Variants in RBM18 observed in about 807,000 individuals in gnomAD.
RBM18 encodes probable RNA-binding protein 18.
In RBM18, 18 loss-of-function variants were observed where a neutral mutation model predicts 26.4. That is an observed-to-expected ratio of 0.68 (90% CI 0.47 to 1.01). The LOEUF (loss-of-function observed/expected upper bound fraction) is 1.01. RBM18 is among the 50% of genes least tolerant of loss of function. The probability of loss-of-function intolerance (pLI) is 0.00; values close to 1 mark genes in which losing one functional copy is unlikely to be tolerated. For synonymous variants in RBM18, 74 were observed against 81.1 expected (o/e 0.91, Z 0.47); for missense variants, 180 against 219.2 (o/e 0.82, Z 1.13).
chr9:122,254,992 G>T (rs1161619795), intron 2 of RBM18, among the ~76,000 whole-genome samples: 1 of 152,206 alleles, frequency 6.6e-6, no homozygotes, highest in Non-Finnish European at 1.5e-5. Flanking sequence ...TGATCCATTG[G>T]AGTAGAGTGG....
chr9:122,259,478 C>T (rs933067279), intron 2 of RBM18, among the ~76,000 whole-genome samples: 2 of 152,194 alleles, frequency 1.3e-5, no homozygotes, highest in Non-Finnish European at 2.9e-5. Flanking sequence ...ATGCAATCCA[C>T]TCTAGGGTCC....
rs1324654044 is a variant in RBM18, at chr9:122,242,098, C to T, written c.414-55G>A. On this transcript the variant is annotated intron_variant, in intron 5 of 5. Transcript: ENST00000417201. The stretch of plus-strand genomic sequence containing the variant: ...GGGCCTAGGTATATTCAGAAAATAG[C>T]TGTACAGTTCCTCTCCTTGAGCCTC... 21 of 1,549,312 alleles carry T rather than the reference C, an allele frequency of 1.4e-5. No individual in the cohort carries two copies. In the African/African-American group the frequency reaches 1.4e-4, roughly 10 times the overall value.
In RBM18 at chr9:122,237,819, T is replaced by C. The variant is rs969790647; in HGVS notation, c.*4065A>G. 1.3e-5 allele frequency: 2 copies of C among 152,346 alleles called. No homozygotes were observed. Among genetic ancestry groups the C allele is most frequent in the South Asian group, 4.1e-4 (2 of 4,830 alleles). 9.4% of individuals were successfully genotyped at this position (152,346 alleles called of 1,614,324 possible). A position where few individuals can be genotyped will look rare whatever the true frequency, so the allele number is the denominator to read the frequency against. ...CCAACTATTCAACTCTTCTATTATATGGGGAAAACAGCCACATGTAAATGC... is the reference window on the plus strand; with the variant it reads ...CCAACTATTCAACTCTTCTATTATACGGGGAAAACAGCCACATGTAAATGC... On this transcript the variant is annotated 3_prime_UTR_variant, in exon 6 of 6. Coordinates refer to ENST00000417201, the MANE Select transcript of RBM18 (RefSeq NM_033117.4).
chr9:122,247,742 A>T, intron 3 of RBM18, 138 bp from the exon 4 acceptor site: 1 of 644,756 alleles, frequency 1.6e-6, no homozygotes, highest in Non-Finnish European at 2.7e-6. Flanking sequence ...AGGGTTTACA[A>T]TTTTACAAGG....
chr9:122,261,067 T>G (rs982578595), intron 2 of RBM18, among the ~76,000 whole-genome samples: 1 of 152,044 alleles, frequency 6.6e-6, no homozygotes, highest in African/African-American at 2.4e-5. Flanking sequence ...CCAAGGCTGA[T>G]TCTAGAGAAT....
rs1831381569 is a variant in RBM18, at chr9:122,239,728, T to C, written c.*2156A>G. Reference sequence around the variant, plus strand: ...CCACGAGAGACTAAACACAGTACGATACTTGCAGAGATTTCCATTAACAAC... The same window carrying C: ...CCACGAGAGACTAAACACAGTACGACACTTGCAGAGATTTCCATTAACAAC... On this transcript the variant is annotated 3_prime_UTR_variant, in exon 6 of 6. Coordinates refer to ENST00000417201, the MANE Select transcript of RBM18 (RefSeq NM_033117.4). 1 of 152,274 alleles carries C rather than the reference T, an allele frequency of 6.6e-6. No homozygotes were observed. Among genetic ancestry groups the C allele is most frequent in the Non-Finnish European group, 1.5e-5 (1 of 68,052 alleles). The allele number at this position is 152,274 out of a possible 1,614,324, so 9.4% of individuals were successfully genotyped here.
chr9:122,245,466 A>C (rs1366410706), intron 4 of RBM18, 125 bp from the exon 5 acceptor site: 8 of 545,184 alleles, frequency 1.5e-5, no homozygotes, highest in Admixed American at 1.0e-4. Flanking sequence ...TTTTAGGACC[A>C]CTTTACACTT....
chr9:122,257,303 A>G (rs1036169412), intron 2 of RBM18, among the ~76,000 whole-genome samples: 1 of 152,086 alleles, frequency 6.6e-6, no homozygotes, highest in Non-Finnish European at 1.5e-5. Context: ...CACCATGCCC[A>G]GCTAATTTTT....
rs1831488110 is a variant in RBM18, at chr9:122,245,318, A to G, written c.351T>C (p.Asp117=). 2 of 1,609,480 alleles carry G rather than the reference A, an allele frequency of 1.2e-6. No homozygotes were observed. The highest frequency in any genetic ancestry group is 2.7e-5 in the African/African-American group (2 of 74,840). The part of the protein sequence containing the change: ...QVKRYDHNKN[D]KILPISLEPS... ...GCTCGAGACTGATTGGAAGAATCTT[A>G]TCATTCTTGTTATGATCATATCTCT... The change falls in exon 5 of 6, where the codon GAT becomes GAC. Residue 117 remains aspartate, a synonymous_variant. Coordinates refer to ENST00000417201, the MANE Select transcript of RBM18 (RefSeq NM_033117.4).
intron 1 of RBM18, among the ~76,000 whole-genome samples, chr9:122,262,921 TG>T (rs977789182): frequency 1.3e-5 from 2 of 152,206 alleles, no homozygotes; most frequent in Non-Finnish European, 2.9e-5. Flanking sequence ...TATTTCTTTC[TG>T]AGCTTCAGTT....
In RBM18 at chr9:122,241,628, C is replaced by T; in HGVS notation, c.*256G>A. 2.9e-6 allele frequency: 1 copy of T among 347,060 alleles called. No individual in the cohort carries two copies. Among genetic ancestry groups the T allele is most frequent in the Admixed American group, 4.6e-5 (1 of 21,958 alleles). The allele number at this position is 347,060 out of a possible 1,614,324, so 21.5% of individuals were successfully genotyped here. A position where few individuals can be genotyped will look rare whatever the true frequency, so the allele number is the denominator to read the frequency against. On this transcript the variant is annotated 3_prime_UTR_variant, in exon 6 of 6. Coordinates refer to ENST00000417201, the MANE Select transcript of RBM18 (RefSeq NM_033117.4). The stretch of plus-strand genomic sequence containing the variant: ...TGTTTCTGGAGTTACAAATCCAAAC[C>T]AACCAGCCAATTAGAGCATCCCAGG...
At chr9:122,263,815 T>C (rs2118984076) in intron 1 of RBM18, among the ~76,000 whole-genome samples, 1 of 152,284 alleles carries the variant, frequency 6.6e-6, no homozygotes, top group African/African-American at 2.4e-5. Flanking sequence ...AGGTACCATG[T>C]TTTACTGGTA....
intron 3 of RBM18, among the ~76,000 whole-genome samples, chr9:122,248,582 G>A (rs946365053): frequency 6.6e-5 from 10 of 152,300 alleles, no homozygotes; most frequent in South Asian, 2.1e-4. Context: ...TTTCAGAGCC[G>A]AAAGTTCCTT....
chr9:122,252,112 C>T (rs150326531), intron 2 of RBM18, 139 bp from the exon 3 acceptor site: 42 of 1,069,812 alleles, frequency 3.9e-5, no homozygotes, highest in Middle Eastern at 5.3e-4. Context: ...CTCTAAACTG[C>T]TATGTTAGTT....
At chr9:122,244,342 CACTTTCCTG>C (rs1434930656) in intron 5 of RBM18, among the ~76,000 whole-genome samples, 2 of 152,136 alleles carry the variant, frequency 1.3e-5, no homozygotes, top group Non-Finnish European at 2.9e-5. Context: ...AAATAGGCAT[CACTTTCCTG>C]ACTTTAGAAT....
intron 2 of RBM18, among the ~76,000 whole-genome samples, chr9:122,256,716 TATC>T (rs1831703283): frequency 1.3e-5 from 2 of 152,334 alleles, no homozygotes; most frequent in Middle Eastern, 3.4e-3. Context: ...TGGTGGAAAT[TATC>T]ATTACTTCAG....
intron 2 of RBM18, among the ~76,000 whole-genome samples, chr9:122,253,248 T>C (rs1831634627): frequency 1.3e-5 from 2 of 152,176 alleles, no homozygotes; most frequent in African/African-American, 2.4e-5. Context: ...AGATATGAAA[T>C]GGACCATACA....
chr9:122,259,621 A>G (rs1167892923), intron 2 of RBM18, among the ~76,000 whole-genome samples: 1 of 152,116 alleles, frequency 6.6e-6, no homozygotes, highest in African/African-American at 2.4e-5. Context: ...TATAATCCTG[A>G]TTTATAAGGT....
Position 122,241,265 on chromosome 9 carries a change from T to C in RBM18, c.*619A>G, listed in dbSNP as rs1831413124. The C allele has an allele frequency of 6.6e-6, 1 of 152,266 alleles. No individual in the cohort carries two copies. The highest frequency in any genetic ancestry group is 1.5e-5 in the Non-Finnish European group (1 of 68,048). 9.4% of individuals were successfully genotyped at this position (152,266 alleles called of 1,614,324 possible). ...TGTCAACACAAACAATTTTAAGATA[T>C]ACACCATGTTTTCCTAGTTGGGATT... On this transcript the variant is annotated 3_prime_UTR_variant, in exon 6 of 6. Coordinates refer to ENST00000417201, the MANE Select transcript of RBM18 (RefSeq NM_033117.4).
Sources: gnomAD v4.1 joint callset for allele counts (sites outside exome capture counted in the v4.1 genomes callset) on GRCh38, gnomAD v4.1.1 for gene constraint, MANE v1.5 for transcripts, NCBI Gene and HGNC (gene_info 2026-07-23, HGNC 2026-07-21) for gene names.